ADGRB1: variants seen among roughly 807,000 people sequenced by gnomAD.
ADGRB1 encodes the protein adhesion G protein-coupled receptor B1.
A neutral mutation model predicts 175.7 loss-of-function variants in ADGRB1; 36 were observed. The observed-to-expected ratio is 0.20, with a 90% CI of 0.16 to 0.27. ADGRB1 has a LOEUF of 0.27. Ranked by LOEUF, ADGRB1 falls within the 10% of genes least tolerant of loss-of-function variation. The pLI is 1.00. For missense variants in ADGRB1, 1,731 were observed against 2,255.3 expected, an observed-to-expected ratio of 0.77 and a Z score of 4.71; for synonymous variants, 1,054 against 979.4, an observed-to-expected ratio of 1.08 and a Z score of -1.42.
intron 1 of ADGRB1, among the ~76,000 whole-genome samples, chr8:142,459,122 G>A (rs1839837217): frequency 3.3e-5 from 5 of 152,246 alleles, no homozygotes; most frequent in Admixed American, 3.3e-4. Flanking sequence ...GGCCTGGCAT[G>A]GGGTGGGCTC....
chr8:142,542,603 A>T lies in ADGRB1; in HGVS notation c.4369A>T (p.Thr1457Ser). The T allele has an allele frequency of 6.5e-7, 1 of 1,548,866 alleles. No homozygotes were observed. The highest frequency in any genetic ancestry group is 8.7e-7 in the Non-Finnish European group (1 of 1,147,304). ...TCCGGGACCCAGCACGGGGCCCAGC[A>T]CCAAGAACGAGAATGTCGCCACCTT... ...AHPGPSTGPS[T>S]KNENVATLSV... The change falls in exon 28 of 31, where the codon ACC (threonine) becomes TCC (serine). Residue 1457 changes from threonine to serine, a missense_variant. By Grantham distance (58) the Thr-to-Ser change is moderately conservative (BLOSUM62 1). Around this residue, in one of 8 missense-constraint regions of ADGRB1, gnomAD observed 394 missense variants for 410.2 expected, o/e 0.96. Transcript: ENST00000517894. The surrounding 1 kb of genome is among the most constrained non-coding windows in gnomAD (Gnocchi z 6.3).
chr8:142,523,028 C>T (rs772624599), intron 22 of ADGRB1, among the ~76,000 whole-genome samples: 4 of 152,216 alleles, frequency 2.6e-5, no homozygotes, highest in Non-Finnish European at 5.9e-5. Context: ...CGGTGGGGAG[C>T]CCCCCTCTGT....
At chr8:142,520,109 G>A (rs1158458646) in intron 19 of ADGRB1, among the ~76,000 whole-genome samples, 1 of 145,306 alleles carries the variant, frequency 6.9e-6, no homozygotes. Flanking sequence ...GGTGATAGTG[G>A]TAATGATTGT....
rs575758465 is a variant in ADGRB1 at position 142,521,947 on chromosome 8, G to A, written c.3025-18G>A. 226 of 1,570,812 alleles carry A rather than the reference G, an allele frequency of 1.4e-4. No individual in the cohort carries two copies. The highest frequency in any genetic ancestry group is 2.8e-4 in the East Asian group (12 of 42,896). Reference sequence around the variant, plus strand: ...GGGGAGCACCTGCCCAGCCTGCCCCGCCCTGGGCCCCACACAGGTGGTGTG... The same window carrying A: ...GGGGAGCACCTGCCCAGCCTGCCCCACCCTGGGCCCCACACAGGTGGTGTG... On this transcript the variant is annotated intron_variant, in intron 20 of 30. Coordinates refer to ENST00000517894, the MANE Select transcript of ADGRB1 (RefSeq NM_001702.3).
intron 11 of ADGRB1, 118 bp from the exon 12 acceptor site, chr8:142,483,859 T>C (rs1471918151): frequency 9.4e-7 from 1 of 1,065,716 alleles, no homozygotes; most frequent in Non-Finnish European, 1.4e-6. Flanking sequence ...TGAGCCCTGA[T>C]CCTGGTCACA....
chr8:142,518,918 C>G (rs1382184257), intron 19 of ADGRB1, among the ~76,000 whole-genome samples: 1 of 152,246 alleles, frequency 6.6e-6, no homozygotes, highest in African/African-American at 2.4e-5. Context: ...TCCGGCTCTG[C>G]AGGCAGCGCG....
intron 2 of ADGRB1, 132 bp from the exon 3 acceptor site, chr8:142,475,342 C>A: frequency 2.1e-6 from 2 of 966,228 alleles, no homozygotes; most frequent in Non-Finnish European, 2.7e-6. Flanking sequence ...TCCTCCCAGG[C>A]CAGGCCTTCC....
chr8:142,490,494 A>T (rs992769931), intron 16 of ADGRB1, among the ~76,000 whole-genome samples: 1 of 152,144 alleles, frequency 6.6e-6, no homozygotes, highest in Admixed American at 6.5e-5. Flanking sequence ...GACTTCAGCC[A>T]TTGCTGCCCA....
Position 142,510,831 on chromosome 8 carries a change from G to T in ADGRB1, c.2676-101G>T, listed in dbSNP as rs1843059780. ...AGGTGCGGGGCGGCGGGCCGGGGCC[G>T]GGGCCGGGGCGCGGAGCCGCCGCTC... On this transcript the variant is annotated intron_variant, in intron 17 of 30. Coordinates refer to ENST00000517894, the MANE Select transcript of ADGRB1 (RefSeq NM_001702.3). The surrounding 1 kb of genome is among the most constrained non-coding windows in gnomAD (Gnocchi z 6.3). 1 of 575,402 alleles carries T rather than the reference G, an allele frequency of 1.7e-6. No individual in the cohort carries two copies. Among genetic ancestry groups the T allele is most frequent in the African/African-American group, 2.1e-5 (1 of 48,280 alleles). 35.6% of individuals were successfully genotyped at this position (575,402 alleles called of 1,614,324 possible).
At chr8:142,541,298 C>T (rs1845257293) in intron 27 of ADGRB1, among the ~76,000 whole-genome samples, 1 of 152,130 alleles carries the variant, frequency 6.6e-6, no homozygotes, top group South Asian at 2.1e-4. Flanking sequence ...GAGCCCCACT[C>T]AGAGGTCAAG....
In ADGRB1 at chr8:142,511,728, C is replaced by G. The variant is rs990317384; in HGVS notation, c.2817+655C>G. Among the ~76,000 whole-genome samples the G allele has an allele frequency of 6.6e-6, 1 of 152,130 alleles. No homozygotes were observed. Among genetic ancestry groups the G allele is most frequent in the Admixed American group, 6.5e-5 (1 of 15,282 alleles). ...GGGTGCTGGGCGCAGCTCCCTGGGG[C>G]GGGTGGGCTCTCTTGCTTTGGGCCG... On this transcript the variant is annotated intron_variant, in intron 18 of 30. Transcript: ENST00000517894. This position sits in a 1 kb window ranked among gnomAD's most constrained non-coding sequence, Gnocchi z 4.5.
At chr8:142,524,446 G>C (rs1289019149) in intron 23 of ADGRB1, 142 bp downstream of exon 23, 43 of 977,066 alleles carry the variant, frequency 4.4e-5, no homozygotes, top group Non-Finnish European at 5.8e-5. Flanking sequence ...TCACCAGGGG[G>C]TGGGGGTGCC....
intron 8 of ADGRB1, 26 bp from the exon 9 acceptor site, chr8:142,479,667 A>G (rs1841224465): frequency 6.2e-7 from 1 of 1,604,554 alleles, no homozygotes; most frequent in South Asian, 1.1e-5. Flanking sequence ...CCCCTTCCTG[A>G]ACCCCTGTCC....
rs1841042476 is a variant in ADGRB1, at chr8:142,477,375, C to T, written c.1223-10C>T. On this transcript the variant is annotated splice_polypyrimidine_tract_variant and intron_variant, in intron 5 of 30. Coordinates refer to ENST00000517894, the MANE Select transcript of ADGRB1 (RefSeq NM_001702.3). ...CGCAGTGGGCAGCAGCACCTTCCGT[C>T]CCTCTGCAGTGCATGGTGCCTGGGA... 1.9e-6 allele frequency: 3 copies of T among 1,605,010 alleles called. No individual in the cohort carries two copies. The highest frequency in any genetic ancestry group is 1.7e-4 in the Middle Eastern group (1 of 6,054).
chr8:142,485,696 C>G (rs1841634886), intron 13 of ADGRB1, among the ~76,000 whole-genome samples: 1 of 152,226 alleles, frequency 6.6e-6, no homozygotes, highest in Non-Finnish European at 1.5e-5. Context: ...GTAGCCAGCT[C>G]CCAGAGCACT....
intron 1 of ADGRB1, among the ~76,000 whole-genome samples, chr8:142,456,581 C>CGCACACATATGTGCA (rs1839697176): frequency 6.6e-6 from 1 of 152,248 alleles, no homozygotes; most frequent in African/African-American, 2.4e-5. Context: ...CACGCACACA[C>CGCACACATATGTGCA]GCACACATAT....
rs190644140 is a variant in ADGRB1 at position 142,454,804 on chromosome 8, C to T, written c.-220+4700C>T. 4.4e-4 allele frequency among the ~76,000 whole-genome samples: 67 copies of T among 152,214 alleles called. No homozygotes were observed. In the East Asian group the frequency reaches 0.012, roughly 26 times the overall value. ...TCCCTCTCTTCTTTTTTCATACTAA[C>T]TCATTTCTGTTAATTGAGGAAGCAA... On this transcript the variant is annotated intron_variant, in intron 1 of 30. Transcript: ENST00000517894.
rs1563670153 is a variant in ADGRB1 at position 142,453,047 on chromosome 8, CGCT to C, written c.-220+2944_-220+2946del. Among the ~76,000 whole-genome samples the C allele has an allele frequency of 2.2e-4, 11 of 50,934 alleles. No individual in the cohort carries two copies. The African/African-American group carries it at 2.8e-3, about 13-fold the overall frequency. The allele number at this position is 50,934 out of a possible 152,430, so 33.4% of individuals were successfully genotyped here. A position where few individuals can be genotyped will look rare whatever the true frequency, so the allele number is the denominator to read the frequency against. On this transcript the variant is annotated intron_variant, in intron 1 of 30. Transcript: ENST00000517894. ...CCTCCCGCCCGCCCGCCCGCCCGCT[CGCT>C]CGCTCGCTCGCCGTCCGCTCCCGCC...
rs1354656433 is a variant in ADGRB1 at position 142,455,989 on chromosome 8, G to A, written c.-220+5885G>A. Among the ~76,000 whole-genome samples the A allele has an allele frequency of 6.6e-6, 1 of 152,100 alleles. No homozygotes were observed. Among genetic ancestry groups the A allele is most frequent in the East Asian group, 1.9e-4 (1 of 5,164 alleles). ...CCTGTGTAGTGCCAGGGAGGGTAGG[G>A]CTGTCCAGGCAAGTCTTGGTGAGGC... On this transcript the variant is annotated intron_variant, in intron 1 of 30. Transcript: ENST00000517894. The surrounding 1 kb of genome is among the most constrained non-coding windows in gnomAD (Gnocchi z 4.9).
Sources: gnomAD v4.1 joint callset for allele counts (sites outside exome capture counted in the v4.1 genomes callset) on GRCh38, gnomAD v4.1.1 for gene constraint, gnomAD v4.1.1 regional missense constraint, Gnocchi (gnomAD v3.1) non-coding constraint, MANE v1.5 for transcripts, NCBI Gene and HGNC (gene_info 2026-07-23, HGNC 2026-07-21) for gene names.